The following HS3ST5 variants were observed in gnomAD, a reference collection of about 807,000 sequenced individuals.
The protein encoded by HS3ST5 is heparan sulfate-glucosamine 3-sulfotransferase 5.
A neutral mutation model predicts 25.4 loss-of-function variants in HS3ST5; 10 were observed. That is an observed-to-expected ratio of 0.39 (90% confidence interval 0.24 to 0.67). HS3ST5 has a LOEUF of 0.67. HS3ST5 is among the 30% of genes least tolerant of loss of function. The pLI is 0.44. For synonymous variants in HS3ST5, 170 were observed against 162.4 expected (o/e 1.05, Z -0.36); for missense variants, 324 against 420.7 (o/e 0.77, Z 2.01).
At chr6:114,189,320 T>G (rs1397166527) in intron 2 of HS3ST5, among the ~76,000 whole-genome samples, 2 of 152,140 alleles carry the variant, frequency 1.3e-5, no homozygotes, top group East Asian at 3.9e-4. Context: ...GATTTTTCTT[T>G]GTCCTCAGTG....
intron 1 of HS3ST5, among the ~76,000 whole-genome samples, chr6:114,331,852 G>T (rs144924720): frequency 6.2e-4 from 94 of 152,160 alleles, no homozygotes; most frequent in African/African-American, 2.1e-3. Flanking sequence ...CATGGTAAAA[G>T]AATTTAATTT....
chr6:114,287,353 C>G (rs537805841), intron 1 of HS3ST5, among the ~76,000 whole-genome samples: 2 of 151,874 alleles, frequency 1.3e-5, no homozygotes, highest in Non-Finnish European at 2.9e-5. Flanking sequence ...TAGTAGCTTG[C>G]TTAGGGTCAA....
At chr6:114,115,581 C>T (rs144607536) in intron 3 of HS3ST5, among the ~76,000 whole-genome samples, 1 of 151,970 alleles carries the variant, frequency 6.6e-6, no homozygotes, top group Admixed American at 6.6e-5. Context: ...TTGCTCTTTC[C>T]CTTATACACA....
rs546121734 is a variant in HS3ST5 at position 114,184,235 on chromosome 6, C to T, written c.-144-15773G>A. On this transcript the variant is annotated intron_variant, in intron 2 of 4. Transcript: ENST00000312719. Reference sequence around the variant, plus strand: ...GTGTTTAAGCAGTGGTTTGGTTGCTCCTGACTGCTTATAGTAAAATGTAAT... The same window carrying T: ...GTGTTTAAGCAGTGGTTTGGTTGCTTCTGACTGCTTATAGTAAAATGTAAT... Among the ~76,000 whole-genome samples the T allele has an allele frequency of 3.3e-5, 5 of 151,458 alleles. 1 individual carries two copies. The South Asian group carries it at 6.3e-4, about 19-fold the overall frequency.
chr6:114,211,549 T>C (rs34626177), intron 2 of HS3ST5, among the ~76,000 whole-genome samples: 2 of 152,226 alleles, frequency 1.3e-5, no homozygotes, highest in Admixed American at 6.5e-5. Context: ...TTAGTAACTT[T>C]AGGAATTTTT....
chr6:114,328,225 AGAAGGAAAGAAG>A (rs1172001532), intron 1 of HS3ST5, among the ~76,000 whole-genome samples: 9 of 151,382 alleles, frequency 5.9e-5, no homozygotes, highest in South Asian at 4.2e-4. Flanking sequence ...AAGGAAGGAA[AGAAGGAAAGAAG>A]GAAGGAAAGA....
At chr6:114,287,066 T>C (rs1774371448) in intron 1 of HS3ST5, among the ~76,000 whole-genome samples, 1 of 152,012 alleles carries the variant, frequency 6.6e-6, no homozygotes, top group Non-Finnish European at 1.5e-5. Flanking sequence ...TTTTTCTTCT[T>C]ATTTGAATAA....
intron 1 of HS3ST5, among the ~76,000 whole-genome samples, chr6:114,233,077 T>G (rs1771683234): frequency 1.3e-5 from 2 of 152,216 alleles, no homozygotes; most frequent in South Asian, 4.1e-4. Flanking sequence ...TTTTTTTCAT[T>G]TTTAGATACC....
At chr6:114,206,493 A>C (rs1332357111) in intron 2 of HS3ST5, among the ~76,000 whole-genome samples, 3 of 152,102 alleles carry the variant, frequency 2.0e-5, no homozygotes, top group Non-Finnish European at 4.4e-5. Context: ...ATTCTTATTA[A>C]CTCAGTTTTG....
At chr6:114,083,961 G>T (rs1160127599) in intron 3 of HS3ST5, among the ~76,000 whole-genome samples, 2 of 151,914 alleles carry the variant, frequency 1.3e-5, no homozygotes, top group Non-Finnish European at 2.9e-5. Context: ...CATCTAATAT[G>T]TTGAATGGTA....
intron 1 of HS3ST5, among the ~76,000 whole-genome samples, chr6:114,277,121 C>T (rs943851195): frequency 2.0e-5 from 3 of 151,574 alleles, no homozygotes; most frequent in Admixed American, 1.3e-4. Context: ...TTTATAAGAC[C>T]ACATACCACA....
intron 3 of HS3ST5, among the ~76,000 whole-genome samples, chr6:114,089,999 G>A (rs555523456): frequency 4.6e-5 from 7 of 152,180 alleles, no homozygotes; most frequent in Non-Finnish European, 8.8e-5. Context: ...TCTGGCGTTG[G>A]GGAGGTAGTC....
Position 114,329,979 on chromosome 6 carries a change from C to T in HS3ST5, c.-339+12216G>A, listed in dbSNP as rs546343688. On this transcript the variant is annotated intron_variant, in intron 1 of 4. Coordinates refer to ENST00000312719, the MANE Select transcript of HS3ST5 (RefSeq NM_153612.4). ...CTTAAATGTATGTTTGAAATACAGT[C>T]GGCAAAAGACACACACTTGCATTCT... Among the ~76,000 whole-genome samples the T allele has an allele frequency of 3.3e-5, 5 of 152,220 alleles. No homozygotes were observed. The East Asian group carries it at 7.7e-4, about 23-fold the overall frequency.
chr6:114,200,558 G>A (rs1467147276), intron 2 of HS3ST5, among the ~76,000 whole-genome samples: 2 of 151,934 alleles, frequency 1.3e-5, no homozygotes, highest in Non-Finnish European at 2.9e-5. Context: ...GGGATTTCTG[G>A]GTTGGGAAAA....
intron 1 of HS3ST5, among the ~76,000 whole-genome samples, chr6:114,278,097 C>T (rs1277026787): frequency 1.3e-5 from 2 of 151,970 alleles, no homozygotes; most frequent in East Asian, 1.9e-4. Flanking sequence ...CTGACAGCTG[C>T]TTCCTGACAT....
At chr6:114,068,869 C>T (rs1408437376) in intron 3 of HS3ST5, among the ~76,000 whole-genome samples, 1 of 152,128 alleles carries the variant, frequency 6.6e-6, no homozygotes, top group Non-Finnish European at 1.5e-5. Flanking sequence ...TTAGTTTCTT[C>T]AGACTCTTAA....
At chr6:114,143,998 CA>C (rs1296022833) in intron 3 of HS3ST5, 3 of 152,174 alleles carry the variant, frequency 2.0e-5, no homozygotes, top group Non-Finnish European at 4.4e-5. Flanking sequence ...ATATTATTCT[CA>C]AATAAAACAA....
intron 3 of HS3ST5, among the ~76,000 whole-genome samples, chr6:114,116,892 T>TC (rs1462918061): frequency 6.6e-6 from 1 of 152,122 alleles, no homozygotes; most frequent in Non-Finnish European, 1.5e-5. Context: ...TTATTTGTTC[T>TC]CCCCCTCCCT....
intron 1 of HS3ST5, among the ~76,000 whole-genome samples, chr6:114,294,489 A>G (rs1562266700): frequency 8.1e-6 from 1 of 123,776 alleles, no homozygotes; most frequent in Non-Finnish European, 1.6e-5. Context: ...TCTGTCGCCC[A>G]GGCTGGAGTG....
Sources: gnomAD v4.1 joint callset for allele counts (sites outside exome capture counted in the v4.1 genomes callset) on GRCh38, gnomAD v4.1.1 for gene constraint, MANE v1.5 for transcripts, NCBI Gene and HGNC (gene_info 2026-07-23, HGNC 2026-07-21) for gene names.